VTI1A: variants seen among roughly 807,000 people sequenced by gnomAD.
VTI1A encodes the protein vesicle transport through interaction with t-SNAREs homolog 1A.
VTI1A carries 22 observed loss-of-function variants against 34.9 expected under a neutral mutation model. The observed-to-expected ratio is 0.63, with a 90% CI of 0.45 to 0.90. The LOEUF is 0.90. Among genes scored for constraint, VTI1A ranks in the 40% least tolerant of loss-of-function variants. The pLI is 0.00. For synonymous variants in VTI1A, 87 were observed against 97.3 expected (o/e 0.89, Z 0.62); for missense variants, 268 against 275.6 (o/e 0.97, Z 0.20).
At chr10:112,741,175 G>T (rs1002730367) in intron 7 of VTI1A, among the ~76,000 whole-genome samples, 2 of 152,176 alleles carry the variant, frequency 1.3e-5, no homozygotes, top group Admixed American at 1.3e-4. Flanking sequence ...CTATTAATGG[G>T]CCAGGCACGG....
chr10:112,533,508 T>C, intron 4 of VTI1A: 15 of 1,011,550 alleles, frequency 1.5e-5, no homozygotes, highest in Non-Finnish European at 1.5e-5. Flanking sequence ...TTTTATCTTT[T>C]TTTTGTGCAT....
chr10:112,478,532 G>A (rs530470628), intron 3 of VTI1A, among the ~76,000 whole-genome samples: 23 of 152,108 alleles, frequency 1.5e-4, no homozygotes, highest in Non-Finnish European at 7.4e-5. Context: ...GCTTCAGAGC[G>A]CTAACTGTGG....
intron 5 of VTI1A, among the ~76,000 whole-genome samples, chr10:112,599,463 CA>C (rs1236864066): frequency 6.6e-6 from 1 of 152,156 alleles, no homozygotes. Flanking sequence ...AATATTAGGA[CA>C]AAACAGTCCA....
chr10:112,830,395 G>A, the VTI1A span, among the ~76,000 whole-genome samples: 1 of 150,840 alleles, frequency 6.6e-6, no homozygotes, highest in Non-Finnish European at 1.5e-5. Flanking sequence ...CCTCTGCCTG[G>A]AATGTTCTCC....
intron 7 of VTI1A, among the ~76,000 whole-genome samples, chr10:112,713,773 G>A (rs554238135): frequency 6.6e-6 from 1 of 152,280 alleles, no homozygotes; most frequent in Admixed American, 6.5e-5. Context: ...TAAGAATCAA[G>A]TTTTTAAGGA....
intron 5 of VTI1A, among the ~76,000 whole-genome samples, chr10:112,544,625 G>GAA (rs112556669): frequency 7.1e-6 from 1 of 139,928 alleles, no homozygotes; most frequent in African/African-American, 2.6e-5. Context: ...CCCGCCTCCA[G>GAA]AAAAAAAAAA....
intron 5 of VTI1A, chr10:112,548,724 A>C: frequency 2.2e-6 from 3 of 1,366,324 alleles, no homozygotes; most frequent in South Asian, 2.4e-5. Flanking sequence ...GCAACTGTCT[A>C]TCTCATATCA....
At chr10:112,770,465 G>C (rs759566747) in intron 7 of VTI1A, among the ~76,000 whole-genome samples, 18 of 150,572 alleles carry the variant, frequency 1.2e-4, no homozygotes, top group Non-Finnish European at 2.5e-4. Context: ...GCAGGATCTC[G>C]GCTCACTGCA....
intron 7 of VTI1A, among the ~76,000 whole-genome samples, chr10:112,772,891 G>A (rs982548818): frequency 6.6e-6 from 1 of 152,186 alleles, no homozygotes; most frequent in African/African-American, 2.4e-5. Context: ...TGACCGACTG[G>A]CATAGGTCAT....
chr10:112,566,809 T>C (rs1487328395), intron 5 of VTI1A, among the ~76,000 whole-genome samples: 3 of 152,146 alleles, frequency 2.0e-5, no homozygotes, highest in Admixed American at 6.5e-5. Context: ...TCACTCTATA[T>C]GTGAATCTTT....
intron 3 of VTI1A, among the ~76,000 whole-genome samples, chr10:112,486,010 TATACAAAGTACTTTGGGTTA>T (rs1589819376): frequency 2.0e-5 from 3 of 152,228 alleles, no homozygotes; most frequent in African/African-American, 7.2e-5. Context: ...TTTATTTATC[TATACAAAGTACTTTGGGTTA>T]ATAAGTGAGC....
At chr10:112,785,378 A>C (rs1213965975) in intron 7 of VTI1A, among the ~76,000 whole-genome samples, 1 of 152,176 alleles carries the variant, frequency 6.6e-6, no homozygotes, top group Non-Finnish European at 1.5e-5. Context: ...AAAGCCATAG[A>C]GGGGCTTTAT....
At chr10:112,695,765 G>A (rs1303544392) in intron 7 of VTI1A, among the ~76,000 whole-genome samples, 1 of 152,080 alleles carries the variant, frequency 6.6e-6, no homozygotes, top group Non-Finnish European at 1.5e-5. Flanking sequence ...ACACACCCAG[G>A]GCTGTGAAAT....
At chr10:112,465,619 T>C (rs989973042) in intron 3 of VTI1A, among the ~76,000 whole-genome samples, 16 of 152,136 alleles carry the variant, frequency 1.1e-4, no homozygotes, top group Admixed American at 3.3e-4. Context: ...CAAAGACAAA[T>C]ACTACATAAT....
At chr10:112,668,575 A>T (rs907263868) in intron 6 of VTI1A, among the ~76,000 whole-genome samples, 4 of 152,146 alleles carry the variant, frequency 2.6e-5, no homozygotes, top group Non-Finnish European at 4.4e-5. Flanking sequence ...TGAAAACTAT[A>T]GAATTATTGG....
rs150294163 is a variant in VTI1A at position 112,663,918 on chromosome 10, G to A, written c.428-4300G>A. ...CTGCAATACATATATGAAAACACAC[G>A]CTTCAGCATAGCTCTTTTGCAGAAC... On this transcript the variant is annotated intron_variant, in intron 5 of 7. Transcript: ENST00000393077. Among the ~76,000 whole-genome samples, 731 of 152,250 alleles carry A rather than the reference G, an allele frequency of 4.8e-3. 5 individuals carry two copies. The highest frequency in any genetic ancestry group is 0.016 in the African/African-American group (680 of 41,544).
At chr10:112,450,398 C>G (rs1313210445) in intron 1 of VTI1A, 2 of 152,214 alleles carry the variant, frequency 1.3e-5, no homozygotes, top group Admixed American at 1.3e-4. Flanking sequence ...ATTATAATCT[C>G]TCTCTCTGGC....
chr10:112,678,313 C>T (rs1275337804), intron 7 of VTI1A, among the ~76,000 whole-genome samples: 5 of 152,118 alleles, frequency 3.3e-5, no homozygotes, highest in Non-Finnish European at 5.9e-5. Context: ...CTTCTTTGAA[C>T]GCAGCCTTGA....
chr10:112,746,404 T>G (rs1850898553), intron 7 of VTI1A, among the ~76,000 whole-genome samples: 1 of 152,194 alleles, frequency 6.6e-6, no homozygotes, highest in Non-Finnish European at 1.5e-5. Flanking sequence ...CTGCTTTCAG[T>G]GCCCTGGCAC....
Sources: allele counts gnomAD v4.1 joint callset (sites outside exome capture counted in the v4.1 genomes callset), GRCh38; gene constraint gnomAD v4.1.1; transcripts MANE v1.5; gene names NCBI Gene and HGNC (gene_info 2026-07-23, HGNC 2026-07-21).